AGBL4: variants seen among roughly 807,000 people sequenced by gnomAD.
The protein encoded by AGBL4 is AGBL carboxypeptidase 4.
A neutral mutation model predicts 66.4 loss-of-function variants in AGBL4; 58 were observed. The observed-to-expected ratio is 0.87, with a 90% CI of 0.71 to 1.09. The LOEUF is 1.09. Ranked by LOEUF, AGBL4 falls within the 50% of genes least tolerant of loss-of-function variation. The pLI is 0.00. For missense variants in AGBL4, 579 were observed against 631.0 expected, an observed-to-expected ratio of 0.92 and a Z score of 0.88; for synonymous variants, 234 against 222.9, an observed-to-expected ratio of 1.05 and a Z score of -0.44.
intron 3 of AGBL4, among the ~76,000 whole-genome samples, chr1:49,561,737 T>C (rs1644050694): frequency 6.6e-6 from 1 of 152,186 alleles, no homozygotes. Context: ...TTCCAAGTCT[T>C]TGCTATTGTG....
At chr1:49,935,285 G>A (rs531632389) in intron 1 of AGBL4, among the ~76,000 whole-genome samples, 1 of 152,364 alleles carries the variant, frequency 6.6e-6, no homozygotes, top group Non-Finnish European at 1.5e-5. Context: ...TGGGGGAGGG[G>A]CGCCCGCCAT....
At chr1:49,942,354 A>G (rs1654838350) in intron 1 of AGBL4, among the ~76,000 whole-genome samples, 1 of 152,170 alleles carries the variant, frequency 6.6e-6, no homozygotes, top group Non-Finnish European at 1.5e-5. Flanking sequence ...ATTCTTATGG[A>G]ACCACATAAG....
At chr1:50,000,996 G>A (rs1660707911) in intron 1 of AGBL4, among the ~76,000 whole-genome samples, 1 of 150,678 alleles carries the variant, frequency 6.6e-6, no homozygotes, top group South Asian at 2.1e-4. Flanking sequence ...AAGTCTCAGA[G>A]ACCACGACTA....
intron 3 of AGBL4, among the ~76,000 whole-genome samples, chr1:49,515,815 A>G (rs1356290231): frequency 6.8e-6 from 1 of 147,280 alleles, no homozygotes; most frequent in Non-Finnish European, 1.5e-5. Flanking sequence ...ACATATTCTC[A>G]CTCATAGGTG....
intron 6 of AGBL4, among the ~76,000 whole-genome samples, chr1:48,858,855 TA>T (rs1204933352): frequency 1.3e-5 from 2 of 152,078 alleles, no homozygotes; most frequent in East Asian, 1.9e-4. Context: ...AAGCTGTTAT[TA>T]AAAAAAGGTA....
Position 49,345,188 on chromosome 1 carries a change from T to A in AGBL4, c.283-99324A>T, listed in dbSNP as rs372577164. 3.3e-4 allele frequency among the ~76,000 whole-genome samples: 51 copies of A among 152,322 alleles called. 1 individual carries two copies. In the South Asian group the frequency reaches 9.7e-3, roughly 29 times the overall value. On this transcript the variant is annotated intron_variant, in intron 3 of 13. Transcript: ENST00000371839. ...TCTTTGGGCTGTATTTGTATAAATG[T>A]GTTATTGGTATGTGTTCCAAAATTA...
intron 6 of AGBL4, among the ~76,000 whole-genome samples, chr1:48,832,163 G>A (rs1037338033): frequency 1.3e-5 from 2 of 152,154 alleles, no homozygotes; most frequent in Non-Finnish European, 2.9e-5. Flanking sequence ...TTGCTCCCCA[G>A]AGCCCTTGGC....
intron 1 of AGBL4, among the ~76,000 whole-genome samples, chr1:49,982,278 G>A (rs1659117577): frequency 2.0e-5 from 3 of 152,352 alleles, no homozygotes; most frequent in Admixed American, 2.0e-4. Flanking sequence ...CACAGAGCTG[G>A]CAGGAGCCAA....
chr1:48,961,798 T>G (rs1658010222), intron 5 of AGBL4, among the ~76,000 whole-genome samples: 1 of 152,178 alleles, frequency 6.6e-6, no homozygotes, highest in Admixed American at 6.5e-5. Context: ...TTCCAGAGGC[T>G]AAGGAGGCCT....
chr1:48,573,789 GTAC>G (rs1383195616), intron 11 of AGBL4, among the ~76,000 whole-genome samples: 1 of 152,040 alleles, frequency 6.6e-6, no homozygotes, highest in Non-Finnish European at 1.5e-5. Flanking sequence ...ATCCAACTGG[GTAC>G]TTGGCTAGTA....
chr1:49,066,380 C>T (rs1018880864), intron 4 of AGBL4, among the ~76,000 whole-genome samples: 1 of 152,104 alleles, frequency 6.6e-6, no homozygotes, highest in Non-Finnish European at 1.5e-5. Flanking sequence ...GGTGAAACCC[C>T]GTCTCTACTA....
chr1:49,568,817 A>G (rs1644268605), intron 3 of AGBL4, among the ~76,000 whole-genome samples: 1 of 152,204 alleles, frequency 6.6e-6, no homozygotes, highest in Non-Finnish European at 1.5e-5. Flanking sequence ...ACAGAGACCA[A>G]TGGAACAGCA....
chr1:49,381,232 A>G (rs943808491), intron 3 of AGBL4, among the ~76,000 whole-genome samples: 7 of 152,182 alleles, frequency 4.6e-5, no homozygotes, highest in Admixed American at 3.9e-4. Context: ...GCAGCCAAAA[A>G]ACACATGAAA....
At chr1:49,821,635 C>T (rs1645373270) in intron 2 of AGBL4, among the ~76,000 whole-genome samples, 1 of 152,134 alleles carries the variant, frequency 6.6e-6, no homozygotes, top group African/African-American at 2.4e-5. Context: ...AGTAAGGAGG[C>T]ATCAAGGAAG....
intron 6 of AGBL4, among the ~76,000 whole-genome samples, chr1:48,836,424 C>A (rs1392574171): frequency 6.6e-6 from 1 of 152,066 alleles, no homozygotes; most frequent in East Asian, 1.9e-4. Context: ...TCTTTATACT[C>A]CAAATGCCTA....
At chr1:50,014,586 A>G (rs547185445) in intron 1 of AGBL4, among the ~76,000 whole-genome samples, 12 of 119,298 alleles carry the variant, frequency 1.0e-4, no homozygotes, top group African/African-American at 3.7e-4. Flanking sequence ...GTGCAATGGT[A>G]TAGTCTCAGC....
chr1:49,290,565 GA>G (rs1356429619), intron 3 of AGBL4, among the ~76,000 whole-genome samples: 1 of 151,906 alleles, frequency 6.6e-6, no homozygotes, highest in Non-Finnish European at 1.5e-5. Context: ...AAAGGATTTG[GA>G]AAAAAAATAT....
At chr1:48,809,589 G>A (rs1646004156) in intron 6 of AGBL4, among the ~76,000 whole-genome samples, 1 of 152,170 alleles carries the variant, frequency 6.6e-6, no homozygotes, top group Non-Finnish European at 1.5e-5. Context: ...GAGACTTGGA[G>A]GAAGACTGGA....
rs1645015380 is a variant in AGBL4 at position 49,808,121 on chromosome 1, AACAG to A, written c.157+43271_157+43274del. 2.0e-5 allele frequency among the ~76,000 whole-genome samples: 3 copies of A among 152,218 alleles called. No individual in the cohort carries two copies. The South Asian group carries it at 6.2e-4, about 31-fold the overall frequency. ...AATGGAGAGATTACCCTCAGATAAG[AACAG>A]AAACAGTTCCTCCAGTAAAAGATGG... On this transcript the variant is annotated intron_variant, in intron 2 of 13. Transcript: ENST00000371839.
Sources: allele counts gnomAD v4.1 joint callset (sites outside exome capture counted in the v4.1 genomes callset), GRCh38; gene constraint gnomAD v4.1.1; transcripts MANE v1.5; gene names NCBI Gene and HGNC (gene_info 2026-07-23, HGNC 2026-07-21).